The following FAM228B variants were observed in gnomAD, a reference collection of about 807,000 sequenced individuals.
The protein encoded by FAM228B is protein FAM228B.
Under a neutral mutation model 42.6 loss-of-function variants are expected in FAM228B, and 38 were observed. That is an observed-to-expected ratio of 0.89 (90% CI 0.69 to 1.17). FAM228B has a LOEUF of 1.17. FAM228B is among the 50% of genes most tolerant of loss of function. The pLI is 0.00. For synonymous variants in FAM228B, 109 were observed against 122.3 expected, an observed-to-expected ratio of 0.89 and a Z score of 0.72; for missense variants, 344 against 367.3, an observed-to-expected ratio of 0.94 and a Z score of 0.52.
chr2:24,119,708 T>C (rs1455999337), upstream of FAM228B: 4 of 1,570,512 alleles, frequency 2.5e-6, no homozygotes, highest in South Asian at 3.4e-5. Context: ...AAGAGAATAT[T>C]CTGCTCTTGG....
intron 3 of FAM228B, chr2:24,097,190 A>T (rs1233575621): frequency 6.6e-6 from 1 of 152,196 alleles, no homozygotes; most frequent in Non-Finnish European, 1.5e-5. Flanking sequence ...TGTAAAGACC[A>T]TCGATGCTAT....
At chr2:24,158,452 G>T (rs1216656191) in intron 7 of FAM228B, among the ~76,000 whole-genome samples, 2 of 152,098 alleles carry the variant, frequency 1.3e-5, no homozygotes, top group African/African-American at 4.8e-5. Context: ...ATTTTGCAAA[G>T]AACCTTCAAT....
chr2:24,166,274 A>G (rs1333629953), intron 9 of FAM228B, among the ~76,000 whole-genome samples: 2 of 151,846 alleles, frequency 1.3e-5, no homozygotes, highest in African/African-American at 4.8e-5. Context: ...TCGAGAAGTC[A>G]TGGCCTTCCT....
upstream of FAM228B, chr2:24,121,402 G>T: frequency 8.8e-7 from 1 of 1,135,344 alleles, no homozygotes; most frequent in Non-Finnish European, 1.2e-6. Flanking sequence ...AGCTAAGAAT[G>T]GTTTTCATGT....
At chr2:24,133,296 C>T (rs1666499092) in intron 2 of FAM228B, among the ~76,000 whole-genome samples, 1 of 149,042 alleles carries the variant, frequency 6.7e-6, no homozygotes, top group African/African-American at 2.4e-5. Context: ...ATTCACTACC[C>T]CCTATCTGAG....
At chr2:24,144,138 T>G (rs550641899) in intron 5 of FAM228B, among the ~76,000 whole-genome samples, 2 of 152,338 alleles carry the variant, frequency 1.3e-5, no homozygotes, top group Admixed American at 1.3e-4. Flanking sequence ...GTTTCTATCT[T>G]CAATTTAAAA....
intron 3 of FAM228B, among the ~76,000 whole-genome samples, chr2:24,136,588 C>A (rs992777539): frequency 6.6e-6 from 1 of 152,062 alleles, no homozygotes; most frequent in African/African-American, 2.4e-5. Flanking sequence ...GACTTGAATT[C>A]CTGGGCTCAT....
chr2:24,127,086 C>G (rs1483737188), intron 2 of FAM228B, among the ~76,000 whole-genome samples: 1 of 152,044 alleles, frequency 6.6e-6, no homozygotes, highest in Non-Finnish European at 1.5e-5. Context: ...AACTTCACAC[C>G]TTTTAGCAGT....
chr2:24,168,514 A>C (rs973363973), intron 10 of FAM228B, among the ~76,000 whole-genome samples: 3 of 152,214 alleles, frequency 2.0e-5, no homozygotes, highest in Non-Finnish European at 4.4e-5. Flanking sequence ...GCTGATTTTC[A>C]TCAGAGAGGT....
intron 7 of FAM228B, among the ~76,000 whole-genome samples, chr2:24,158,097 T>C (rs1667195504): frequency 6.6e-6 from 1 of 151,666 alleles, no homozygotes; most frequent in Non-Finnish European, 1.5e-5. Context: ...GGCTGATTTT[T>C]CCCTCCCTTC....
chr2:24,140,887 G>A (rs55873585), intron 5 of FAM228B, among the ~76,000 whole-genome samples: 5 of 151,216 alleles, frequency 3.3e-5, no homozygotes, highest in Admixed American at 6.6e-5. Context: ...ACGTGAACCC[G>A]GGAGGTGGAG....
At chr2:24,106,688 G>A (rs1385869477) in intron 3 of FAM228B, among the ~76,000 whole-genome samples, 2 of 151,858 alleles carry the variant, frequency 1.3e-5, no homozygotes, top group African/African-American at 2.4e-5. Flanking sequence ...AGCTTCATAT[G>A]TGAAGGAGAA....
rs1264776571 is a variant in FAM228B at position 24,077,653 on chromosome 2, C to T, written c.-290+684C>T. 3.7e-6 allele frequency: 6 copies of T among 1,613,168 alleles called. No individual in the cohort carries two copies. The African/African-American group carries it at 8.0e-5, about 22-fold the overall frequency. ...ATGTACTTATGGGCCTCCTGGATTT[C>T]GGTCACTGGGTAGATTCTGTCCAGA... On this transcript the variant is annotated intron_variant, in intron 1 of 10. Coordinates refer to the FAM228B transcript ENST00000613899. This position sits in a 1 kb window ranked among gnomAD's most constrained non-coding sequence, Gnocchi z 5.5.
chr2:24,120,199 G>A (rs1666059875), upstream of FAM228B, among the ~76,000 whole-genome samples: 1 of 152,096 alleles, frequency 6.6e-6, no homozygotes, highest in Admixed American at 6.5e-5. Flanking sequence ...AACCCAGGAG[G>A]TGGAGGTTGC....
intron 7 of FAM228B, among the ~76,000 whole-genome samples, chr2:24,154,855 G>A (rs766175455): frequency 2.6e-4 from 39 of 152,022 alleles, no homozygotes; most frequent in Non-Finnish European, 3.2e-4. Context: ...TTCTATTTTA[G>A]GATGCTTTCT....
upstream of FAM228B, chr2:24,122,595 A>C: frequency 8.6e-7 from 1 of 1,159,588 alleles, no homozygotes. Flanking sequence ...CTAGCTTTTA[A>C]AAGGCATGTG....
At chr2:24,099,882 C>T (rs1157102907) in intron 3 of FAM228B, among the ~76,000 whole-genome samples, 2 of 152,194 alleles carry the variant, frequency 1.3e-5, no homozygotes, top group African/African-American at 2.4e-5. Flanking sequence ...TACAAGGCTA[C>T]AGTAACCAAA....
intron 1 of FAM228B, among the ~76,000 whole-genome samples, chr2:24,123,970 G>A (rs377058269): frequency 2.6e-5 from 4 of 152,160 alleles, no homozygotes; most frequent in African/African-American, 9.7e-5. Context: ...GTGTTTCTGT[G>A]GCCAGAAAGT....
At chr2:24,121,226 C>T (rs540480895), upstream of FAM228B, 2 of 1,614,184 alleles carry the variant, frequency 1.2e-6, no homozygotes, top group Admixed American at 1.7e-5. Flanking sequence ...CCTTGAAATA[C>T]AGTCCTTCTC....
Sources: gnomAD v4.1 joint callset for allele counts (sites outside exome capture counted in the v4.1 genomes callset) on GRCh38, gnomAD v4.1.1 for gene constraint, Gnocchi (gnomAD v3.1) non-coding constraint, MANE v1.5 for transcripts, NCBI Gene and HGNC (gene_info 2026-07-23, HGNC 2026-07-21) for gene names.